SPIDR: variants seen among roughly 807,000 people sequenced by gnomAD.
SPIDR encodes DNA repair-scaffolding protein.
A neutral mutation model predicts 104.6 loss-of-function variants in SPIDR; 93 were observed. The observed-to-expected ratio is 0.89, with a 90% confidence interval of 0.75 to 1.06. The LOEUF (loss-of-function observed/expected upper bound fraction) is 1.06, where lower values mean the gene tolerates loss of function less well. SPIDR is among the 50% of genes least tolerant of loss of function. SPIDR has a pLI of 0.00. For synonymous variants in SPIDR, 431 were observed against 416.9 expected (o/e 1.03, Z -0.41); for missense variants, 1,154 against 1,111.2 (o/e 1.04, Z -0.55).
intron 11 of SPIDR, among the ~76,000 whole-genome samples, chr8:47,678,288 G>C (rs2076685407): frequency 1.3e-5 from 2 of 152,188 alleles, no homozygotes; most frequent in South Asian, 4.1e-4. Context: ...AAGAAGAGAA[G>C]AGGTCATAAA....
chr8:47,485,764 C>A (rs1188779568), intron 8 of SPIDR, among the ~76,000 whole-genome samples: 2 of 152,206 alleles, frequency 1.3e-5, no homozygotes, highest in Non-Finnish European at 2.9e-5. Flanking sequence ...GGACCTCCAG[C>A]AAACTCCAAC....
At chr8:47,482,184 T>C (rs1420797523) in intron 8 of SPIDR, among the ~76,000 whole-genome samples, 11 of 152,202 alleles carry the variant, frequency 7.2e-5, no homozygotes, top group African/African-American at 2.7e-4. Context: ...TTTGAAATCT[T>C]CTCTCAAACG....
intron 8 of SPIDR, among the ~76,000 whole-genome samples, chr8:47,479,049 GA>G (rs1391688092): frequency 1.1e-4 from 16 of 150,352 alleles, no homozygotes; most frequent in Admixed American, 3.3e-4. Context: ...TAAAATCAGT[GA>G]AAAAAAAAAT....
intron 2 of SPIDR, among the ~76,000 whole-genome samples, chr8:47,281,868 G>A (rs1360630936): frequency 1.3e-5 from 2 of 152,190 alleles, no homozygotes; most frequent in African/African-American, 4.8e-5. Context: ...CATCAGAGGA[G>A]TCACTATCTG....
rs1463949240 is a variant in SPIDR at position 47,501,318 on chromosome 8, T to A, written c.1097+60776T>A. Among the ~76,000 whole-genome samples, 13 of 152,338 alleles carry A rather than the reference T, an allele frequency of 8.5e-5. 1 individual carries two copies. In the South Asian group the frequency reaches 2.7e-3, roughly 32 times the overall value. The stretch of plus-strand genomic sequence containing the variant: ...TTTGTTTGTATCCTCTTTTATTTCA[T>A]TGAGCAGTGGTTTGTAGTTCTCCTT... On this transcript the variant is annotated intron_variant, in intron 8 of 19. Transcript: ENST00000297423.
rs1370648447 is a variant in SPIDR at position 47,331,603 on chromosome 8, GT to G, written c.525+37575del. On this transcript the variant is annotated intron_variant, in intron 5 of 19. Coordinates refer to ENST00000297423, the MANE Select transcript of SPIDR (RefSeq NM_001080394.4). ...GCTCTGGGTGAGTCAGTGAGTGAGT[GT>G]TGAGTGAATGTGAAGGCCTAGGACA... is the stretch of plus-strand genomic sequence containing the variant. Among the ~76,000 whole-genome samples, 4 of 152,174 alleles carry G rather than the reference GT, an allele frequency of 2.6e-5. No homozygotes were observed. In the East Asian group the frequency reaches 5.8e-4, roughly 22 times the overall value.
Position 47,451,622 on chromosome 8 carries a change from A to G in SPIDR, c.1097+11080A>G, listed in dbSNP as rs565143701. ...CACACACACACACTAGAAAGATTCC[A>G]CAGAAGATTTGAGGAGGCAGAACAC... On this transcript the variant is annotated intron_variant, in intron 8 of 19. Transcript: ENST00000297423. Among the ~76,000 whole-genome samples the G allele has an allele frequency of 1.4e-4, 21 of 151,998 alleles. No homozygotes were observed. The South Asian group carries it at 2.1e-3, about 15-fold the overall frequency.
At chr8:47,580,042 G>C (rs539279468) in intron 8 of SPIDR, among the ~76,000 whole-genome samples, 15 of 152,298 alleles carry the variant, frequency 9.8e-5, no homozygotes, top group African/African-American at 3.4e-4. Context: ...GAATAGTCAT[G>C]TTTACCCTGT....
chr8:47,270,418 T>G (rs1392758985), intron 1 of SPIDR, among the ~76,000 whole-genome samples: 1 of 152,128 alleles, frequency 6.6e-6, no homozygotes, highest in Non-Finnish European at 1.5e-5. Context: ...GGTATGTAGT[T>G]CATATTATTT....
intron 1 of SPIDR, among the ~76,000 whole-genome samples, chr8:47,265,806 A>C (rs2033842645): frequency 6.6e-6 from 1 of 152,138 alleles, no homozygotes; most frequent in Non-Finnish European, 1.5e-5. Context: ...TGCTAGATCA[A>C]AGTGTTGACA....
intron 10 of SPIDR, among the ~76,000 whole-genome samples, chr8:47,608,843 C>G (rs963074889): frequency 9.9e-5 from 15 of 152,254 alleles, no homozygotes; most frequent in Admixed American, 9.8e-4. Flanking sequence ...TCTGCCTCAG[C>G]CTCCCGAGTA....
intron 14 of SPIDR, among the ~76,000 whole-genome samples, chr8:47,706,041 G>C (rs779059361): frequency 3.9e-5 from 6 of 152,044 alleles, no homozygotes; most frequent in Admixed American, 2.0e-4. Context: ...ATACACGGGG[G>C]GTCTGGTGCA....
chr8:47,524,673 G>A (rs1343376430), intron 8 of SPIDR, among the ~76,000 whole-genome samples: 1 of 152,224 alleles, frequency 6.6e-6, no homozygotes, highest in Admixed American at 6.5e-5. Context: ...AGGTCTCAAA[G>A]CATTTTCATA....
intron 8 of SPIDR, among the ~76,000 whole-genome samples, chr8:47,489,252 G>T (rs551252873): frequency 6.6e-6 from 1 of 152,150 alleles, no homozygotes; most frequent in Non-Finnish European, 1.5e-5. Context: ...CCCATTCACA[G>T]TTGCTTCAAA....
In SPIDR at chr8:47,700,410, G is replaced by A; in HGVS notation, c.1693G>A (p.Gly565Arg). The A allele has an allele frequency of 6.2e-7, 1 of 1,614,174 alleles. No homozygotes were observed. Among genetic ancestry groups the A allele is most frequent in the Non-Finnish European group, 8.5e-7 (1 of 1,180,038 alleles). Reference sequence around the variant, plus strand: ...TGACTTTTCTTGTTCCAGGACAGCGGGGATTTTCAGTTTGATTGACACCCT... The same window carrying A: ...TGACTTTTCTTGTTCCAGGACAGCGAGGATTTTCAGTTTGATTGACACCCT... The part of the protein sequence containing the change: ...LQKVTRGRTA[G>R]IFSLIDTLWP... Residue 565 changes from glycine to arginine, a missense_variant, in exon 12 of 20, where the codon GGG (glycine) becomes AGG (arginine). By Grantham distance (125) the Gly-to-Arg change is moderately radical (BLOSUM62 -2). Transcript: ENST00000297423.
chr8:47,439,241 C>G (rs563447070), intron 7 of SPIDR, among the ~76,000 whole-genome samples: 31 of 152,326 alleles, frequency 2.0e-4, no homozygotes, highest in Non-Finnish European at 3.5e-4. Context: ...TCATACTCCT[C>G]TTTCTCTCTC....
At chr8:47,279,297 C>T (rs1227568117) in intron 1 of SPIDR, 2 of 152,902 alleles carry the variant, frequency 1.3e-5, no homozygotes, top group Non-Finnish European at 2.9e-5. Flanking sequence ...TCATCTGGAC[C>T]TTTTCTGTGT....
At position 47,673,837 on chromosome 8, in the gene SPIDR, C is replaced by G; in HGVS notation, c.1581C>G (p.Phe527Leu). Residue 527 changes from phenylalanine (F) to leucine (L), a missense_variant, in exon 11 of 20, where the codon TTC (phenylalanine) becomes TTG (leucine). Coordinates refer to ENST00000297423, the MANE Select transcript of SPIDR (RefSeq NM_001080394.4). ...TGGTACAAGATGCCTGTGGAATGTT[C>G]GGTGAAGTGCACTTGGAGTTCACCA... The part of the protein sequence containing the change: ...CLLVQDACGM[F>L]GEVHLEFTMS... 6.2e-7 allele frequency: 1 copy of G among 1,614,010 alleles called. No homozygotes were observed. The highest frequency in any genetic ancestry group is 8.5e-7 in the Non-Finnish European group (1 of 1,180,014).
chr8:47,615,886 T>C (rs1268066290), intron 10 of SPIDR, among the ~76,000 whole-genome samples: 1 of 152,210 alleles, frequency 6.6e-6, no homozygotes, highest in Non-Finnish European at 1.5e-5. Context: ...GAGTTTTCAT[T>C]GTACAAGTCT....
Sources: gnomAD v4.1 joint callset for allele counts (sites outside exome capture counted in the v4.1 genomes callset) on GRCh38, gnomAD v4.1.1 for gene constraint, MANE v1.5 for transcripts, NCBI Gene and HGNC (gene_info 2026-07-23, HGNC 2026-07-21) for gene names.